Variants in RASSF6 observed in about 807,000 individuals in gnomAD.
The protein encoded by RASSF6 is ras association domain-containing protein 6.
RASSF6 carries 52 observed loss-of-function variants against 44.0 expected under a neutral mutation model. The ratio of observed to expected loss-of-function variants is 1.18; its 90% CI spans 0.95 to 1.49. The LOEUF (loss-of-function observed/expected upper bound fraction) is 1.49. RASSF6 is among the 40% of genes most tolerant of loss of function. The pLI is 0.00. For synonymous variants in RASSF6, 162 were observed against 124.6 expected (o/e 1.30, Z -2.00); for missense variants, 464 against 393.3 (o/e 1.18, Z -1.52).
At chr4:73,596,262 C>T (rs1724936838) in intron 3 of RASSF6, among the ~76,000 whole-genome samples, 1 of 152,126 alleles carries the variant, frequency 6.6e-6, no homozygotes, top group African/African-American at 2.4e-5. Context: ...CCAAAAGCTT[C>T]TTAAGCTGAT....
rs1724004782 is a variant in RASSF6, at chr4:73,585,327, A to C, written c.420T>G (p.His140Gln). The change falls in exon 6 of 11, where the codon CAT becomes CAG. Residue 140 changes from histidine (H) to glutamine (Q), a missense_variant. Physicochemically the swap from His to Gln is conservative, Grantham distance 24. Coordinates refer to ENST00000307439, the MANE Select transcript of RASSF6 (RefSeq NM_177532.5). ...CTGGGGAGTCTGGTTCATCCTTTGC[A>C]TGTGGCTTCAGGGTGTTGCTGTGAT... ...LSYHSNTLKP[H>Q]AKDEPDSPVL... 4 of 1,607,392 alleles carry C rather than the reference A, an allele frequency of 2.5e-6. No individual in the cohort carries two copies. The highest frequency in any genetic ancestry group is 2.2e-5 in the East Asian group (1 of 44,814).
chr4:73,579,551 CT>C (rs1222532843), intron 8 of RASSF6, among the ~76,000 whole-genome samples: 1 of 152,066 alleles, frequency 6.6e-6, no homozygotes, highest in Non-Finnish European at 1.5e-5. Context: ...GAATTTAAGA[CT>C]TTTCTAAAAC....
chr4:73,583,771 C>G (rs1723858772), intron 6 of RASSF6, among the ~76,000 whole-genome samples: 1 of 151,446 alleles, frequency 6.6e-6, no homozygotes, highest in South Asian at 2.1e-4. Flanking sequence ...TCTTTTGTGC[C>G]AGGTACTATT....
At chr4:73,579,961 T>C (rs1031377346) in intron 8 of RASSF6, among the ~76,000 whole-genome samples, 17 of 151,646 alleles carry the variant, frequency 1.1e-4, no homozygotes, top group Non-Finnish European at 2.1e-4. Context: ...CATGCTGGTG[T>C]GCTGCACCCA....
intron 4 of RASSF6, among the ~76,000 whole-genome samples, chr4:73,590,023 A>T (rs1420680884): frequency 6.6e-6 from 1 of 152,194 alleles, no homozygotes; most frequent in Non-Finnish European, 1.5e-5. Flanking sequence ...GTTTTGAAAG[A>T]TATTAAAAAC....
intron 1 of RASSF6, among the ~76,000 whole-genome samples, chr4:73,617,462 G>C (rs1314149451): frequency 3.3e-5 from 5 of 152,174 alleles, no homozygotes; most frequent in Non-Finnish European, 5.9e-5. Flanking sequence ...TGGAATTACT[G>C]GTGTGGTGGA....
intron 7 of RASSF6, among the ~76,000 whole-genome samples, 152 bp downstream of exon 7, chr4:73,582,036 TA>T (rs1723694092): frequency 6.6e-6 from 1 of 152,166 alleles, no homozygotes; most frequent in Non-Finnish European, 1.5e-5. Context: ...GGATAGTTAC[TA>T]AAAGGTGTTA....
At chr4:73,584,810 T>A (rs942206907) in intron 6 of RASSF6, among the ~76,000 whole-genome samples, 1 of 152,072 alleles carries the variant, frequency 6.6e-6, no homozygotes, top group African/African-American at 2.4e-5. Context: ...AGTTCACCCA[T>A]CATGGTGGTT....
In RASSF6 at chr4:73,576,467, G is replaced by A. The variant is rs750718269; in HGVS notation, c.881C>T (p.Ser294Phe). Residue 294 changes from serine (S) to phenylalanine (F), a missense_variant, in exon 10 of 11, where the codon TCC (serine) becomes TTC (phenylalanine). Physicochemically the swap from Ser to Phe is radical, Grantham distance 155. Coordinates refer to ENST00000307439, the MANE Select transcript of RASSF6 (RefSeq NM_177532.5). ...YINFHFSLLESILQRLNEEEK... is the reference protein window; with the variant it reads ...YINFHFSLLEFILQRLNEEEK... ...TTCTTCATTTAATCTTTGAAGAATGGATTCCAAGAGAGAAAAGTGAAAGTT... is the reference window on the plus strand; with the variant it reads ...TTCTTCATTTAATCTTTGAAGAATGAATTCCAAGAGAGAAAAGTGAAAGTT... 1.9e-6 allele frequency: 3 copies of A among 1,581,660 alleles called. No individual in the cohort carries two copies. The highest frequency in any genetic ancestry group is 1.8e-5 in the Admixed American group (1 of 56,852).
chr4:73,572,561 T>C lies in RASSF6; in HGVS notation c.*3674A>G, dbSNP rs928538455. The C allele has an allele frequency of 1.3e-5, 2 of 152,118 alleles. No homozygotes were observed. Among genetic ancestry groups the C allele is most frequent in the East Asian group, 1.9e-4 (1 of 5,196 alleles). 9.4% of individuals were successfully genotyped at this position (152,118 alleles called of 1,614,324 possible). ...TAAAAATAAAATAAAAAGACGTAAGTCACTAAGTCCAGCCCATTTTCAGGA... is the reference window on the plus strand; with the variant it reads ...TAAAAATAAAATAAAAAGACGTAAGCCACTAAGTCCAGCCCATTTTCAGGA... On this transcript the variant is annotated 3_prime_UTR_variant, in exon 11 of 11. Coordinates refer to ENST00000307439, the MANE Select transcript of RASSF6 (RefSeq NM_177532.5).
In RASSF6 at chr4:73,620,341, A is replaced by G. The variant is rs1247782558; in HGVS notation, c.-88T>C. The G allele has an allele frequency of 2.0e-6, 3 of 1,488,310 alleles. No individual in the cohort carries two copies. The highest frequency in any genetic ancestry group is 2.7e-6 in the Non-Finnish European group (3 of 1,123,236). The allele number at this position is 1,488,310 out of a possible 1,614,324, so 92.2% of individuals were successfully genotyped here. On this transcript the variant is annotated 5_prime_UTR_variant, in exon 1 of 11. Coordinates refer to ENST00000307439, the MANE Select transcript of RASSF6 (RefSeq NM_177532.5). ...CCTTTTCACCATCGTTGTTCGGCTGAACTTGCTTCGCGGTTTGTTCTCGGC... is the reference window on the plus strand; with the variant it reads ...CCTTTTCACCATCGTTGTTCGGCTGGACTTGCTTCGCGGTTTGTTCTCGGC...
chr4:73,593,534 T>A lies in RASSF6; in HGVS notation c.204A>T (p.Arg68=). 6.2e-7 allele frequency: 1 copy of A among 1,613,786 alleles called. No individual in the cohort carries two copies. Among genetic ancestry groups the A allele is most frequent in the Non-Finnish European group, 8.5e-7 (1 of 1,179,812 alleles). The change falls in exon 4 of 11, where the codon CGA becomes CGT. Residue 68 remains arginine, a synonymous_variant. Coordinates refer to ENST00000307439, the MANE Select transcript of RASSF6 (RefSeq NM_177532.5). Reference sequence around the variant, plus strand: ...CATCTTGTATTTTTAGCTGTATAGGTCGTTTTACTCCCCAGAAAATGTCCA... The same window carrying A: ...CATCTTGTATTTTTAGCTGTATAGGACGTTTTACTCCCCAGAAAATGTCCA... ...GMLDIFWGVK[R]PIQLKIQDEK... is the part of the protein sequence containing the mutation.
In RASSF6 at chr4:73,616,679, G is replaced by C. The variant is rs192720851; in HGVS notation, c.-35+3609C>G. ...TCTCTCACCCACGTCCCCAGTAAAAGCTACTTAAAAAAAGAACAGAAAGTA... is the reference window on the plus strand; with the variant it reads ...TCTCTCACCCACGTCCCCAGTAAAACCTACTTAAAAAAAGAACAGAAAGTA... On this transcript the variant is annotated intron_variant, in intron 1 of 10. Coordinates refer to ENST00000307439, the MANE Select transcript of RASSF6 (RefSeq NM_177532.5). Among the ~76,000 whole-genome samples, 599 of 152,178 alleles carry C rather than the reference G, an allele frequency of 3.9e-3. 2 individuals carry two copies. Among genetic ancestry groups the C allele is most frequent in the Non-Finnish European group, 6.3e-3 (426 of 67,992 alleles).
chr4:73,610,499 T>G (rs921664687), intron 2 of RASSF6, among the ~76,000 whole-genome samples: 7 of 152,202 alleles, frequency 4.6e-5, no homozygotes, highest in African/African-American at 1.7e-4. Flanking sequence ...AAACCCTACA[T>G]GTTCTGAGCC....
chr4:73,612,104 A>G (rs1479995039), intron 1 of RASSF6, among the ~76,000 whole-genome samples: 4 of 152,216 alleles, frequency 2.6e-5, no homozygotes, highest in African/African-American at 9.6e-5. Flanking sequence ...ATTGATTTAT[A>G]TAATTCTGTA....
intron 8 of RASSF6, among the ~76,000 whole-genome samples, chr4:73,581,534 G>A (rs755958409): frequency 7.9e-5 from 12 of 152,184 alleles, no homozygotes; most frequent in Admixed American, 2.0e-4. Flanking sequence ...CAAAAGTGCC[G>A]AAACAGTTCC....
At chr4:73,619,564 C>G (rs751982672) in intron 1 of RASSF6, among the ~76,000 whole-genome samples, 3 of 152,160 alleles carry the variant, frequency 2.0e-5, no homozygotes, top group Non-Finnish European at 2.9e-5. Flanking sequence ...CAGTTCCCAT[C>G]AAAGAAAGCC....
At chr4:73,602,956 C>T (rs974173167) in intron 2 of RASSF6, among the ~76,000 whole-genome samples, 9 of 152,010 alleles carry the variant, frequency 5.9e-5, no homozygotes, top group Non-Finnish European at 1.2e-4. Flanking sequence ...GGCGCGGTGG[C>T]GGGCGCTTGT....
intron 2 of RASSF6, among the ~76,000 whole-genome samples, chr4:73,602,959 G>A (rs919977763): frequency 2.6e-5 from 4 of 152,014 alleles, no homozygotes; most frequent in African/African-American, 9.7e-5. Context: ...GCGGTGGCGG[G>A]CGCTTGTAGT....
Sources: allele counts gnomAD v4.1 joint callset (sites outside exome capture counted in the v4.1 genomes callset), GRCh38; gene constraint gnomAD v4.1.1; transcripts MANE v1.5; gene names NCBI Gene and HGNC (gene_info 2026-07-23, HGNC 2026-07-21).